Variants in TMPRSS11F observed in about 807,000 individuals in gnomAD.
The protein encoded by TMPRSS11F is transmembrane protease serine 11F.
In TMPRSS11F, 47 loss-of-function variants were observed where a neutral mutation model predicts 60.2. The observed-to-expected ratio is 0.78, with a 90% CI of 0.62 to 1.00. The LOEUF (loss-of-function observed/expected upper bound fraction) is 1.00, where lower values mean the gene tolerates loss of function less well. TMPRSS11F is among the 50% of genes least tolerant of loss of function. The pLI, the probability that TMPRSS11F is intolerant of heterozygous loss-of-function variation, is 0.00. For synonymous variants in TMPRSS11F, 166 were observed against 167.3 expected (o/e 0.99, Z 0.06); for missense variants, 519 against 522.9 (o/e 0.99, Z 0.07).
At chr4:68,091,477 C>A (rs1301952230) in intron 2 of TMPRSS11F, among the ~76,000 whole-genome samples, 2 of 152,000 alleles carry the variant, frequency 1.3e-5, no homozygotes, top group Admixed American at 6.6e-5. Flanking sequence ...ATCTTTAGAC[C>A]AAACCTTTGT....
intron 1 of TMPRSS11F, among the ~76,000 whole-genome samples, chr4:68,124,998 T>C (rs1724689948): frequency 6.8e-6 from 1 of 146,158 alleles, no homozygotes; most frequent in South Asian, 2.2e-4. Flanking sequence ...CAATCCTTGA[T>C]GCTTAGTTTT....
intron 1 of TMPRSS11F, among the ~76,000 whole-genome samples, chr4:68,111,865 C>T (rs1235682260): frequency 6.6e-6 from 1 of 152,026 alleles, no homozygotes; most frequent in Non-Finnish European, 1.5e-5. Context: ...ACTATGATTC[C>T]CAATTCTCAA....
At chr4:68,095,961 A>G (rs1157573930) in intron 2 of TMPRSS11F, among the ~76,000 whole-genome samples, 1 of 151,294 alleles carries the variant, frequency 6.6e-6, no homozygotes, top group Non-Finnish European at 1.5e-5. Context: ...CATAGTTCCT[A>G]GACAAACTCT....
intron 1 of TMPRSS11F, among the ~76,000 whole-genome samples, chr4:68,114,969 A>T (rs1724484707): frequency 6.8e-6 from 1 of 146,126 alleles, no homozygotes; most frequent in East Asian, 2.0e-4. Context: ...TCTGAAAAAA[A>T]CTTAACCTTA....
chr4:68,123,688 G>A (rs1724663753), intron 1 of TMPRSS11F, among the ~76,000 whole-genome samples: 1 of 152,210 alleles, frequency 6.6e-6, no homozygotes, highest in East Asian at 1.9e-4. Flanking sequence ...AAAAGGGAGG[G>A]GAAGGTAGGC....
intron 3 of TMPRSS11F, among the ~76,000 whole-genome samples, chr4:68,082,595 C>A (rs1003988747): frequency 3.3e-5 from 5 of 152,276 alleles, no homozygotes; most frequent in African/African-American, 1.2e-4. Flanking sequence ...AGTATGAGTG[C>A]TTTACTGGTT....
chr4:68,075,615 T>G (rs1723566309), intron 3 of TMPRSS11F, among the ~76,000 whole-genome samples: 1 of 151,998 alleles, frequency 6.6e-6, no homozygotes, highest in Admixed American at 6.6e-5. Context: ...ATTAAGCACA[T>G]TAAGAGAAAT....
intron 2 of TMPRSS11F, among the ~76,000 whole-genome samples, chr4:68,092,394 T>A (rs1330388869): frequency 6.6e-6 from 1 of 152,192 alleles, no homozygotes; most frequent in Non-Finnish European, 1.5e-5. Flanking sequence ...TGTATCTTTT[T>A]GTTCCACTTA....
Position 68,064,942 on chromosome 4 carries a change from T to G in TMPRSS11F, c.758A>C (p.Asn253Thr), listed in dbSNP as rs1723293917. 1.9e-6 allele frequency: 3 copies of G among 1,608,142 alleles called. No homozygotes were observed. Among genetic ancestry groups the G allele is most frequent in the Non-Finnish European group, 2.5e-6 (3 of 1,177,742 alleles). The change falls in exon 8 of 10, where the codon AAT becomes ACT. Residue 253 changes from asparagine to threonine, a missense_variant and splice_region_variant. Coordinates refer to ENST00000356291, the MANE Select transcript of TMPRSS11F (RefSeq NM_207407.2). ...LLTAAHCFWK[N>T]KDPTQWIATF... ...AGCAATCCATTGAGTTGGGTCTTTA[T>G]TTCTGCAAAAAATTAAAAAGTAATA...
At chr4:68,119,053 A>G (rs1236868089) in intron 1 of TMPRSS11F, among the ~76,000 whole-genome samples, 3 of 152,194 alleles carry the variant, frequency 2.0e-5, no homozygotes, top group African/African-American at 7.2e-5. Context: ...TCCAGTGAAT[A>G]AACAAATGAT....
At chr4:68,121,280 A>G (rs757837965) in intron 1 of TMPRSS11F, among the ~76,000 whole-genome samples, 1 of 152,228 alleles carries the variant, frequency 6.6e-6, no homozygotes, top group African/African-American at 2.4e-5. Flanking sequence ...AAGGAATCAA[A>G]TTCTGTTACT....
intron 3 of TMPRSS11F, among the ~76,000 whole-genome samples, chr4:68,089,001 T>A (rs182092929): frequency 1.6e-3 from 247 of 151,864 alleles, no homozygotes; most frequent in African/African-American, 5.7e-3. Context: ...GATTTAACAC[T>A]ATTTCTATCA....
chr4:68,110,750 GCTTA>G (rs1332442697), intron 1 of TMPRSS11F, among the ~76,000 whole-genome samples: 1 of 152,084 alleles, frequency 6.6e-6, no homozygotes, highest in Admixed American at 6.5e-5. Context: ...AATGCTATCT[GCTTA>G]CTGATTTTTA....
chr4:68,060,600 C>G (rs1216102772), intron 8 of TMPRSS11F, among the ~76,000 whole-genome samples: 1 of 113,296 alleles, frequency 8.8e-6, no homozygotes. Context: ...AAGTATCTCT[C>G]TTTTTTTTTT....
At chr4:68,128,629 G>A (rs1049095035) in intron 1 of TMPRSS11F, among the ~76,000 whole-genome samples, 2 of 151,952 alleles carry the variant, frequency 1.3e-5, no homozygotes, top group Non-Finnish European at 2.9e-5. Flanking sequence ...TAGAATAAGA[G>A]AACTCCAAAT....
At chr4:68,116,589 T>C (rs1724524369) in intron 1 of TMPRSS11F, among the ~76,000 whole-genome samples, 1 of 152,138 alleles carries the variant, frequency 6.6e-6, no homozygotes, top group Non-Finnish European at 1.5e-5. Context: ...CCTGATTTCA[T>C]AGTATACTAC....
chr4:68,060,862 A>G (rs1723156806), intron 8 of TMPRSS11F, among the ~76,000 whole-genome samples: 1 of 151,832 alleles, frequency 6.6e-6, no homozygotes. Context: ...CAGTATATCC[A>G]AGCTGAAGTA....
At chr4:68,067,686 T>C (rs902414382) in intron 7 of TMPRSS11F, among the ~76,000 whole-genome samples, 3 of 152,208 alleles carry the variant, frequency 2.0e-5, no homozygotes, top group African/African-American at 7.2e-5. Context: ...AGTGAGTCCC[T>C]TTTCTCTTCT....
At chr4:68,117,010 T>G (rs1271080692) in intron 1 of TMPRSS11F, among the ~76,000 whole-genome samples, 1 of 151,998 alleles carries the variant, frequency 6.6e-6, no homozygotes, top group African/African-American at 2.4e-5. Flanking sequence ...TACATCAAAC[T>G]AAAACGCTTC....
Sources: gnomAD v4.1 joint callset for allele counts (sites outside exome capture counted in the v4.1 genomes callset) on GRCh38, gnomAD v4.1.1 for gene constraint, MANE v1.5 for transcripts, NCBI Gene and HGNC (gene_info 2026-07-23, HGNC 2026-07-21) for gene names.